The following CARMIL1 variants were observed in gnomAD, a reference collection of about 807,000 sequenced individuals.
CARMIL1 encodes the protein capping protein regulator and myosin 1 linker 1.
In CARMIL1, 90 loss-of-function variants were observed where a neutral mutation model predicts 177.1. The ratio of observed to expected loss-of-function variants is 0.51; its 90% confidence interval spans 0.43 to 0.61. The LOEUF (loss-of-function observed/expected upper bound fraction) is 0.61. Among genes scored for constraint, CARMIL1 ranks in the 20% least tolerant of loss-of-function variants. The pLI is 0.00. For missense variants in CARMIL1, 1,380 were observed against 1,667.0 expected, an observed-to-expected ratio of 0.83 and a Z score of 3.00; for synonymous variants, 577 against 606.2, an observed-to-expected ratio of 0.95 and a Z score of 0.71.
At chr6:25,321,536 T>G (rs1057100284) in intron 2 of CARMIL1, among the ~76,000 whole-genome samples, 1 of 152,088 alleles carries the variant, frequency 6.6e-6, no homozygotes, top group Non-Finnish European at 1.5e-5. Context: ...GTTAAGGTAA[T>G]TTTCTGTATA....
intron 9 of CARMIL1, among the ~76,000 whole-genome samples, chr6:25,466,763 CTCTGAATTT>C (rs1284892611): frequency 1.4e-4 from 22 of 152,184 alleles, no homozygotes; most frequent in African/African-American, 5.3e-4. Context: ...CGACTTGGTT[CTCTGAATTT>C]GCCTGGGGTA....
chr6:25,452,106 A>G (rs374926539), intron 8 of CARMIL1: 34 of 764,400 alleles, frequency 4.4e-5, no homozygotes, highest in Non-Finnish European at 7.9e-5. Flanking sequence ...CCAGGGAAAA[A>G]GTATACTAGC....
rs1460380050 is a variant in CARMIL1, at chr6:25,517,444, G to A, written c.1874+29G>A. On this transcript the variant is annotated intron_variant, in intron 22 of 36. Transcript: ENST00000329474. ...AGTTTGAATTAGGATTTCTTTCTAG[G>A]AAAATAAAAAAACAAAAACCAATGG... 4 of 1,590,478 alleles carry A rather than the reference G, an allele frequency of 2.5e-6. No homozygotes were observed. The Admixed American group carries it at 6.7e-5, about 27-fold the overall frequency.
At chr6:25,508,729 C>T (rs9348681) in intron 17 of CARMIL1, among the ~76,000 whole-genome samples, 2 of 152,150 alleles carry the variant, frequency 1.3e-5, no homozygotes, top group East Asian at 3.9e-4. Flanking sequence ...TTGCCATGTT[C>T]CTTGGTTTAT....
intron 26 of CARMIL1, among the ~76,000 whole-genome samples, chr6:25,540,940 A>G (rs1277921038): frequency 6.6e-6 from 1 of 152,198 alleles, no homozygotes; most frequent in Non-Finnish European, 1.5e-5. Flanking sequence ...CTTCCTGTGC[A>G]TATAATACAG....
At chr6:25,505,681 G>C (rs1468937365) in intron 17 of CARMIL1, among the ~76,000 whole-genome samples, 2 of 152,130 alleles carry the variant, frequency 1.3e-5, no homozygotes, top group Non-Finnish European at 2.9e-5. Context: ...TTGAACTCCT[G>C]ACCTCAAGTA....
intron 11 of CARMIL1, among the ~76,000 whole-genome samples, chr6:25,474,585 A>G (rs564280292): frequency 6.6e-6 from 1 of 152,236 alleles, no homozygotes; most frequent in Non-Finnish European, 1.5e-5. Flanking sequence ...AGGAAGGTTG[A>G]GACTGAATTA....
chr6:25,329,085 G>T (rs1312724866), intron 2 of CARMIL1, among the ~76,000 whole-genome samples: 1 of 152,230 alleles, frequency 6.6e-6, no homozygotes, highest in Admixed American at 6.5e-5. Context: ...CGTAAAGCCA[G>T]ATGTCACAGG....
At chr6:25,564,300 C>T (rs1357813752) in intron 29 of CARMIL1, among the ~76,000 whole-genome samples, 1 of 152,120 alleles carries the variant, frequency 6.6e-6, no homozygotes, top group Admixed American at 6.5e-5. Flanking sequence ...AGCAGAGATG[C>T]AGGAGTAGAA....
chr6:25,563,507 T>C, intron 29 of CARMIL1: 1 of 985,380 alleles, frequency 1.0e-6, no homozygotes, highest in Non-Finnish European at 1.2e-6. Context: ...AAAAGAAACA[T>C]CTGGAAGAAG....
At chr6:25,332,497 G>A (rs1371443929) in intron 2 of CARMIL1, among the ~76,000 whole-genome samples, 1 of 152,156 alleles carries the variant, frequency 6.6e-6, no homozygotes. Context: ...ATGATCAAAA[G>A]TGGGGAATGA....
chr6:25,380,939 C>CT (rs1791465892), intron 2 of CARMIL1, among the ~76,000 whole-genome samples: 1 of 152,138 alleles, frequency 6.6e-6, no homozygotes, highest in East Asian at 1.9e-4. Context: ...GTACACCTAT[C>CT]TTTTTTTCTC....
chr6:25,517,518 A>G (rs1806120261), intron 22 of CARMIL1, 103 bp downstream of exon 22: 1 of 836,976 alleles, frequency 1.2e-6, no homozygotes. Flanking sequence ...ATTGGGGATC[A>G]GAAGATCTGG....
intron 8 of CARMIL1, among the ~76,000 whole-genome samples, chr6:25,460,886 T>G (rs1582032800): frequency 1.3e-5 from 2 of 152,184 alleles, no homozygotes; most frequent in African/African-American, 4.8e-5. Context: ...TTTAACCACT[T>G]ATGTCCACCA....
At chr6:25,378,142 C>T (rs1293241296) in intron 2 of CARMIL1, among the ~76,000 whole-genome samples, 1 of 152,174 alleles carries the variant, frequency 6.6e-6, no homozygotes, top group Non-Finnish European at 1.5e-5. Context: ...GCTGCTTCTG[C>T]TGCACCAAAG....
At chr6:25,295,234 TA>T (rs201879385) in intron 2 of CARMIL1, among the ~76,000 whole-genome samples, 4,110 of 152,276 alleles carry the variant, frequency 0.027, 69 homozygotes, top group Non-Finnish European at 0.038. Context: ...TGATATATTT[TA>T]AAAAATGGAA....
intron 26 of CARMIL1, 55 bp from the exon 27 acceptor site, chr6:25,550,855 G>T: frequency 6.8e-7 from 1 of 1,478,204 alleles, no homozygotes; most frequent in Non-Finnish European, 9.2e-7. Flanking sequence ...GTTTTATGGC[G>T]GGCACCTCGG....
Position 25,537,858 on chromosome 6 carries a change from A to G in CARMIL1, c.2071A>G (p.Ile691Val). 6.2e-7 allele frequency: 1 copy of G among 1,610,838 alleles called. No individual in the cohort carries two copies. Among genetic ancestry groups the G allele is most frequent in the Non-Finnish European group, 8.5e-7 (1 of 1,178,814 alleles). Residue 691 changes from isoleucine to valine, a missense_variant, in exon 25 of 37, where the codon ATT (isoleucine) becomes GTT (valine). Coordinates refer to ENST00000329474, the MANE Select transcript of CARMIL1 (RefSeq NM_017640.6). ...GCCTTTTTCTGGTTTGGAGCAGATG[A>G]TTGACAGAATATGTGTGAAAGTACA... ...GIVTSTTQQM[I>V]DRICVKVQDH...
intron 13 of CARMIL1, among the ~76,000 whole-genome samples, chr6:25,488,949 G>A (rs1324214621): frequency 1.3e-5 from 2 of 151,990 alleles, no homozygotes; most frequent in African/African-American, 2.4e-5. Flanking sequence ...GGCAGATCAC[G>A]AGGTCAGGAG....
Sources: gnomAD v4.1 joint callset for allele counts (sites outside exome capture counted in the v4.1 genomes callset) on GRCh38, gnomAD v4.1.1 for gene constraint, MANE v1.5 for transcripts, NCBI Gene and HGNC (gene_info 2026-07-23, HGNC 2026-07-21) for gene names.